Variants in VSIG10L observed in about 807,000 individuals in gnomAD.
VSIG10L encodes V-set and immunoglobulin domain containing 10 like.
Under a neutral mutation model 67.3 loss-of-function variants are expected in VSIG10L, and 63 were observed. That is an observed-to-expected ratio of 0.94 (90% CI 0.76 to 1.15). The LOEUF is 1.15. Ranked by LOEUF, VSIG10L falls within the 50% of genes most tolerant of loss-of-function variation. VSIG10L has a pLI of 0.00. For missense variants in VSIG10L, 1,050 were observed against 1,177.5 expected (o/e 0.89, Z 1.58); for synonymous variants, 499 against 524.9 (o/e 0.95, Z 0.67).
intron 4 of VSIG10L, chr19:51,339,714 C>T: frequency 3.5e-6 from 1 of 286,820 alleles, no homozygotes. Context: ...CCAGGAATGT[C>T]CGCCCTCTCA....
Position 51,337,814 on chromosome 19 carries a change from G to A in VSIG10L, c.2008+116C>T, listed in dbSNP as rs1367969261. Reference sequence around the variant, plus strand: ...TCCAGGGTCTGAGGGAGGAGAGGCTGGGGGCCTGGATCCGAGGTCTGAGGG... The same window carrying A: ...TCCAGGGTCTGAGGGAGGAGAGGCTAGGGGCCTGGATCCGAGGTCTGAGGG... On this transcript the variant is annotated intron_variant, in intron 6 of 9. Coordinates refer to ENST00000335624, the MANE Select transcript of VSIG10L (RefSeq NM_001163922.3). 4.6e-6 allele frequency: 6 copies of A among 1,315,476 alleles called. No homozygotes were observed. In the South Asian group the frequency reaches 7.7e-5, roughly 17 times the overall value. 81.5% of individuals were successfully genotyped at this position (1,315,476 alleles called of 1,614,324 possible). A position where few individuals can be genotyped will look rare whatever the true frequency, so the allele number is the denominator to read the frequency against.
At chr19:51,336,038 T>C (rs1985470994) in intron 7 of VSIG10L, among the ~76,000 whole-genome samples, 1 of 152,192 alleles carries the variant, frequency 6.6e-6, no homozygotes, top group South Asian at 2.1e-4. Flanking sequence ...GCCATGAGCA[T>C]GAACATGATC....
At chr19:51,336,853 G>A (rs866312171) in intron 7 of VSIG10L, among the ~76,000 whole-genome samples, 7 of 136,576 alleles carry the variant, frequency 5.1e-5, no homozygotes, top group African/African-American at 8.2e-5. Context: ...TGCAAGCTCC[G>A]CCTCCCGGGT....
In VSIG10L at chr19:51,340,561, G is replaced by A; in HGVS notation, c.1061C>T (p.Pro354Leu). 6.5e-7 allele frequency: 1 copy of A among 1,535,784 alleles called. No individual in the cohort carries two copies. Residue 354 changes from proline to leucine, a missense_variant, in exon 3 of 10, where the codon CCC (proline) becomes CTC (leucine). Pro to Leu is a moderately conservative substitution (Grantham distance 98, BLOSUM62 -3). Transcript: ENST00000335624. The surrounding 1 kb of genome is among the most constrained non-coding windows in gnomAD (Gnocchi z 6.3). ...CTGGTCGCCCTCTGAGCGCATCCGG[G>A]GCGTCTCGGCTCCCTCCGATTCCGC... Reference protein sequence around the residue: ...EAAESEGAETPRMRSEGDQLL... With the variant: ...EAAESEGAETLRMRSEGDQLL...
Position 51,339,112 on chromosome 19 carries a change from A to G in VSIG10L, c.1505T>C (p.Val502Ala), listed in dbSNP as rs925041343. ...GCTGCGGTCCCCGGGACCCCCTTCA[A>G]CTGAGCACTGTGGGGCCCCGGGGGG... ...DLPPGAPQCS[V>A]EGGPGDRSLR... The change falls in exon 5 of 10, where the codon GTT becomes GCT. Residue 502 changes from valine to alanine, a missense_variant. Physicochemically the swap from Val to Ala is moderately conservative, Grantham distance 64 (BLOSUM62 0). Transcript: ENST00000335624. 1 of 1,338,878 alleles carries G rather than the reference A, an allele frequency of 7.5e-7. No homozygotes were observed. Among genetic ancestry groups the G allele is most frequent in the Non-Finnish European group, 9.6e-7 (1 of 1,037,900 alleles). 82.9% of individuals were successfully genotyped at this position (1,338,878 alleles called of 1,614,324 possible).
At chr19:51,335,269 G>A (rs1214124799) in intron 7 of VSIG10L, among the ~76,000 whole-genome samples, 1 of 152,196 alleles carries the variant, frequency 6.6e-6, no homozygotes, top group Non-Finnish European at 1.5e-5. Context: ...AGAAATTAAT[G>A]GACGGCTTTT....
intron 6 of VSIG10L, 79 bp downstream of exon 6, chr19:51,337,850 TG>T (rs1242102151): frequency 4.1e-6 from 6 of 1,458,164 alleles, no homozygotes; most frequent in Non-Finnish European, 5.5e-6. Flanking sequence ...AGGAGAGGTC[TG>T]GGGCCTGAAC....
At position 51,340,538 on chromosome 19, in the gene VSIG10L, G is replaced by C. The variant is rs749664063; in HGVS notation, c.1084C>G (p.Gln362Glu). ...CGCACAGGGCGCACGATGAGCAGCT[G>C]GTCGCCCTCTGAGCGCATCCGGGGC... The part of the protein sequence containing the change: ...ETPRMRSEGD[Q>E]LLIVRPVRSD... The change falls in exon 3 of 10, where the codon CAG becomes GAG. Residue 362 changes from glutamine (Q) to glutamate (E), a missense_variant. Transcript: ENST00000335624. The surrounding 1 kb of genome is among the most constrained non-coding windows in gnomAD (Gnocchi z 6.3). The C allele has an allele frequency of 1.3e-6, 2 of 1,534,996 alleles. No individual in the cohort carries two copies. The highest frequency in any genetic ancestry group is 1.4e-5 in the African/African-American group (1 of 72,908).
At chr19:51,335,368 A>T (rs2123549987) in intron 7 of VSIG10L, among the ~76,000 whole-genome samples, 1 of 152,252 alleles carries the variant, frequency 6.6e-6, no homozygotes, top group Non-Finnish European at 1.5e-5. Context: ...GTATAAAGAG[A>T]CCAAATAAAC....
intron 6 of VSIG10L, 72 bp from the exon 7 acceptor site, chr19:51,337,606 T>C: frequency 5.3e-6 from 2 of 376,438 alleles, no homozygotes; most frequent in South Asian, 4.3e-5. Flanking sequence ...GGGGCTGGGC[T>C]CCTGGGTCTG....
In VSIG10L at chr19:51,334,313, G is replaced by A. The variant is rs1985432147; in HGVS notation, c.2306-9C>T. 4 of 1,549,550 alleles carry A rather than the reference G, an allele frequency of 2.6e-6. No individual in the cohort carries two copies. Among genetic ancestry groups the A allele is most frequent in the Non-Finnish European group, 3.5e-6 (4 of 1,145,878 alleles). On this transcript the variant is annotated splice_polypyrimidine_tract_variant and intron_variant, in intron 7 of 9. Coordinates refer to ENST00000335624, the MANE Select transcript of VSIG10L (RefSeq NM_001163922.3). ...ATGGCTCAACGTGGGGCCTGGAAGA[G>A]ACAAAGAGAAGAAAGAGAAGGGGAA...
rs1260899421 is a variant in VSIG10L at position 51,332,220 on chromosome 19, A to G, written c.*391T>C. On this transcript the variant is annotated 3_prime_UTR_variant, in exon 10 of 10. Coordinates refer to ENST00000335624, the MANE Select transcript of VSIG10L (RefSeq NM_001163922.3). The stretch of plus-strand genomic sequence containing the variant: ...TTAAGATGAAGATGCTGGGAGCTGG[A>G]TGGGGTGTGGCCTACAGGTGGCAAA... 2 of 341,114 alleles carry G rather than the reference A, an allele frequency of 5.9e-6. No homozygotes were observed. The highest frequency in any genetic ancestry group is 1.1e-5 in the Non-Finnish European group (2 of 174,922). 21.1% of individuals were successfully genotyped at this position (341,114 alleles called of 1,614,324 possible).
rs1486404882 is a variant in VSIG10L at position 51,341,353 on chromosome 19, A to C, written c.695T>G (p.Val232Gly). ...SLVVWRRGSK[V>G]LAAGGLGPGA... is the part of the protein sequence containing the mutation. The stretch of plus-strand genomic sequence containing the variant: ...TGGCCCCAGGCCCCCAGCTGCCAGC[A>C]CCTTTGAGCCCCGGCGCCAGACCAC... Residue 232 changes from valine to glycine, a missense_variant, in exon 2 of 10, where the codon GTG (valine) becomes GGG (glycine). Physicochemically the swap from Val to Gly is moderately radical, Grantham distance 109. Around this residue, in one of 3 missense-constraint regions of VSIG10L, gnomAD observed 511 missense variants for 557.9 expected, o/e 0.92. Transcript: ENST00000335624. The C allele has an allele frequency of 6.5e-7, 1 of 1,540,682 alleles. No individual in the cohort carries two copies. Among genetic ancestry groups the C allele is most frequent in the Non-Finnish European group, 8.7e-7 (1 of 1,145,848 alleles).
In VSIG10L at chr19:51,336,668, G is replaced by A. The variant is rs534581651; in HGVS notation, c.2305+570C>T. 7.2e-5 allele frequency among the ~76,000 whole-genome samples: 11 copies of A among 152,036 alleles called. No individual in the cohort carries two copies. In the East Asian group the frequency reaches 1.9e-3, roughly 27 times the overall value. ...GTGATGCAGCTGCAAGTCCAGGAAC[G>A]CCAAGGATGAAACAGCCGCCACCAG... On this transcript the variant is annotated intron_variant, in intron 7 of 9. Transcript: ENST00000335624.
Position 51,341,457 on chromosome 19 carries a change from GCCCCC to G in VSIG10L, c.586_590del (p.Gly196ProfsTer61), listed in dbSNP as rs918331989. Reference sequence around the variant, plus strand: ...TGGTCCCCACCAGCACAGCGAGTGGGCCCCCCACCTGCTGGGGAAAGCTTGCAGCT... The same window carrying G: ...TGGTCCCCACCAGCACAGCGAGTGGGCACCTGCTGGGGAAAGCTTGCAGCT... On this transcript the variant is annotated frameshift_variant, in exon 2 of 10. Coordinates refer to ENST00000335624, the MANE Select transcript of VSIG10L (RefSeq NM_001163922.3). LOFTEE classifies it high-confidence loss of function. The G allele has an allele frequency of 3.2e-6, 5 of 1,542,842 alleles. No individual in the cohort carries two copies. The highest frequency in any genetic ancestry group is 2.8e-5 in the African/African-American group (2 of 72,668).
chr19:51,333,301 G>A (rs555833621), intron 9 of VSIG10L, among the ~76,000 whole-genome samples: 1 of 152,310 alleles, frequency 6.6e-6, no homozygotes, highest in East Asian at 1.9e-4. Flanking sequence ...GGCCAAGGTG[G>A]GCGGATCACT....
At chr19:51,336,988 G>A (rs1235144437) in intron 7 of VSIG10L, among the ~76,000 whole-genome samples, 2 of 151,976 alleles carry the variant, frequency 1.3e-5, no homozygotes, top group Non-Finnish European at 2.9e-5. Flanking sequence ...GGATGGTCTC[G>A]ATCTCCTGAC....
At position 51,341,879 on chromosome 19, in the gene VSIG10L, G is replaced by T. The variant is rs1341608275; in HGVS notation, c.169C>A (p.Pro57Thr). The change falls in exon 2 of 10, where the codon CCT (proline) becomes ACT (threonine). Residue 57 changes from proline to threonine, a missense_variant. Pro to Thr is a conservative substitution (Grantham distance 38). Coordinates refer to ENST00000335624, the MANE Select transcript of VSIG10L (RefSeq NM_001163922.3). ...GLGVEVPSIK[P>T]PSWKVPDQFL... The stretch of plus-strand genomic sequence containing the variant: ...TGATCTGGAACTTTCCAGCTGGGAG[G>T]TTTGATGGAGGGAACTTCCACACCC... 6.4e-7 allele frequency: 1 copy of T among 1,551,538 alleles called. No homozygotes were observed. The highest frequency in any genetic ancestry group is 1.4e-5 in the African/African-American group (1 of 73,028).
chr19:51,338,058 C>T lies in VSIG10L; in HGVS notation c.1880G>A (p.Arg627His), dbSNP rs57710066. Residue 627 changes from arginine to histidine, a missense_variant, in exon 6 of 10, where the codon CGC (arginine) becomes CAC (histidine). Arg to His is a conservative substitution (Grantham distance 29, BLOSUM62 0). Around this residue, in one of 3 missense-constraint regions of VSIG10L, gnomAD observed 529 missense variants for 584.9 expected, o/e 0.90. Transcript: ENST00000335624. ...GRPLAPGGGS[R>H]LRLSQDGRKL... ...CCGCCCATCTTGACTGAGCCGCAGG[C>T]GACTCCCGCCTCCTGGAGCCAGGGG... 5.0e-3 allele frequency: 7,729 copies of T among 1,551,558 alleles called. 374 individuals are homozygous for T. The African/African-American group carries it at 0.096, about 19-fold the overall frequency.
Sources: gnomAD v4.1 joint callset for allele counts (sites outside exome capture counted in the v4.1 genomes callset) on GRCh38, gnomAD v4.1.1 for gene constraint, gnomAD v4.1.1 regional missense constraint, Gnocchi (gnomAD v3.1) non-coding constraint, MANE v1.5 for transcripts, NCBI Gene and HGNC (gene_info 2026-07-23, HGNC 2026-07-21) for gene names.